LIFR: variants seen among roughly 807,000 people sequenced by gnomAD.
The protein encoded by LIFR is leukemia inhibitory factor receptor.
Under a neutral mutation model 122.2 loss-of-function variants are expected in LIFR, and 84 were observed. The ratio of observed to expected loss-of-function variants is 0.69; its 90% CI spans 0.58 to 0.82. The LOEUF is 0.82. LIFR is among the 40% of genes least tolerant of loss of function. The probability of loss-of-function intolerance (pLI) is 0.00; values close to 1 mark genes in which losing one functional copy is unlikely to be tolerated. For synonymous variants in LIFR, 422 were observed against 434.7 expected, an observed-to-expected ratio of 0.97 and a Z score of 0.36; for missense variants, 1,294 against 1,311.6, an observed-to-expected ratio of 0.99 and a Z score of 0.21.
intron 3 of LIFR, 54 bp from the exon 4 acceptor site, chr5:38,527,348 C>T: frequency 8.2e-7 from 1 of 1,219,710 alleles, no homozygotes; most frequent in Non-Finnish European, 1.2e-6. Flanking sequence ...GTATAATTTT[C>T]ATAAAAATTT....
intron 1 of LIFR, among the ~76,000 whole-genome samples, chr5:38,582,432 T>TA: frequency 6.6e-6 from 1 of 152,272 alleles, no homozygotes; most frequent in Admixed American, 6.5e-5. Context: ...ACTAAATACT[T>TA]ACATCGTTTT....
intron 6 of LIFR, 137 bp downstream of exon 6, chr5:38,511,653 G>A (rs921122853): frequency 2.6e-6 from 2 of 761,066 alleles, no homozygotes; most frequent in Non-Finnish European, 4.4e-6. Context: ...CTCCAGGGAT[G>A]GTGGGCTTAG....
At chr5:38,536,078 C>G (rs192257039) in intron 1 of LIFR, among the ~76,000 whole-genome samples, 1 of 152,242 alleles carries the variant, frequency 6.6e-6, no homozygotes, top group African/African-American at 2.4e-5. Context: ...GAGGGAGGGA[C>G]TAGTAATTGC....
chr5:38,594,594 T>C (rs749757254), intron 1 of LIFR, among the ~76,000 whole-genome samples: 6 of 152,192 alleles, frequency 3.9e-5, no homozygotes, highest in Non-Finnish European at 8.8e-5. Flanking sequence ...CTTTGTGCTC[T>C]GGCTTTTTAT....
chr5:38,484,353 AT>A (rs1320556716), intron 18 of LIFR, among the ~76,000 whole-genome samples: 1 of 152,148 alleles, frequency 6.6e-6, no homozygotes. Flanking sequence ...ACGATATGAT[AT>A]CCCCCTTCAC....
At chr5:38,488,889 C>T (rs983010354) in intron 16 of LIFR, among the ~76,000 whole-genome samples, 189 bp downstream of exon 16, 2 of 152,154 alleles carry the variant, frequency 1.3e-5, no homozygotes, top group Non-Finnish European at 2.9e-5. Context: ...AAAGACTATA[C>T]ATGTCATTAT....
intron 11 of LIFR, among the ~76,000 whole-genome samples, chr5:38,500,793 G>A (rs751246148): frequency 4.6e-5 from 7 of 152,150 alleles, no homozygotes; most frequent in Non-Finnish European, 8.8e-5. Context: ...CCCCATGTGC[G>A]TGGTGCCCTC....
intron 9 of LIFR, 45 bp downstream of exon 9, chr5:38,505,860 C>T (rs769619922): frequency 1.5e-6 from 2 of 1,326,980 alleles, no homozygotes; most frequent in South Asian, 2.9e-5. Context: ...AGCATTTCAC[C>T]ACTTTTAAAG....
intron 16 of LIFR, among the ~76,000 whole-genome samples, chr5:38,487,873 T>C (rs939502391): frequency 2.0e-5 from 3 of 152,222 alleles, no homozygotes; most frequent in Admixed American, 2.0e-4. Flanking sequence ...TGGCAGGTAC[T>C]GGAGAAGTTC....
intron 6 of LIFR, among the ~76,000 whole-genome samples, chr5:38,510,970 G>T (rs967626654): frequency 5.3e-5 from 8 of 150,964 alleles, no homozygotes; most frequent in Non-Finnish European, 7.4e-5. Flanking sequence ...AGGGATAATG[G>T]TGAGGAAGCA....
At chr5:38,514,440 G>A (rs1375018114) in intron 5 of LIFR, among the ~76,000 whole-genome samples, 1 of 152,194 alleles carries the variant, frequency 6.6e-6, no homozygotes, top group Admixed American at 6.5e-5. Flanking sequence ...CACGAGTGCA[G>A]AATAGACATT....
Position 38,530,501 on chromosome 5 carries a change from C to T in LIFR, c.142+5G>A. 6.2e-7 allele frequency: 1 copy of T among 1,609,970 alleles called. No homozygotes were observed. Among genetic ancestry groups the T allele is most frequent in the Non-Finnish European group, 8.5e-7 (1 of 1,176,288 alleles). On this transcript the variant is annotated splice_donor_5th_base_variant and intron_variant, in intron 2 of 19. Transcript: ENST00000453190. ...GTTCATTCTCTGGAAGGCTGATGCA[C>T]TTACCCTTTTTCTGGCTATTTACTT...
chr5:38,553,672 A>ATT (rs1242791289), intron 1 of LIFR, among the ~76,000 whole-genome samples: 1 of 101,290 alleles, frequency 9.9e-6, no homozygotes, highest in East Asian at 3.1e-4. Flanking sequence ...ATATATATAT[A>ATT]TTATATGTAT....
rs572954936 is a variant in LIFR at position 38,517,856 on chromosome 5, C to CAAAAAAAAAAAAAA, written c.561+5549_561+5562dup. Among the ~76,000 whole-genome samples, 63 of 15,036 alleles carry CAAAAAAAAAAAAAA rather than the reference C, an allele frequency of 4.2e-3. 14 individuals carry two copies. Among genetic ancestry groups the CAAAAAAAAAAAAAA allele is most frequent in the African/African-American group, 0.016 (37 of 2,248 alleles). 9.9% of individuals were successfully genotyped at this position (15,036 alleles called of 152,430 possible). On this transcript the variant is annotated intron_variant, in intron 5 of 19. Coordinates refer to ENST00000453190, the MANE Select transcript of LIFR (RefSeq NM_001127671.2). Reference sequence around the variant, plus strand: ...TGTGCAACAGAGCAAGACACTGTCTCAAAAAAAAAAAAAAAAAAAAAAAAA... The same window carrying CAAAAAAAAAAAAAA: ...TGTGCAACAGAGCAAGACACTGTCTCAAAAAAAAAAAAAAAAAAAAAAAAAAAAAAAAAAAAAAA...
intron 1 of LIFR, among the ~76,000 whole-genome samples, chr5:38,541,256 A>G (rs1381657031): frequency 6.6e-6 from 1 of 152,224 alleles, no homozygotes; most frequent in East Asian, 1.9e-4. Flanking sequence ...CTATTTCAGA[A>G]AGGGGCATTC....
intron 1 of LIFR, among the ~76,000 whole-genome samples, chr5:38,583,687 AGG>A (rs1749659051): frequency 5.9e-5 from 9 of 152,192 alleles, no homozygotes; most frequent in African/African-American, 2.2e-4. Context: ...AATGATCAAC[AGG>A]TATATGAAAA....
Position 38,528,758 on chromosome 5 carries a change from A to C in LIFR, c.225T>G (p.Arg75=), listed in dbSNP as rs13159153. Residue 75 remains arginine, a synonymous_variant, in exon 3 of 20, where the codon CGT becomes CGG. Coordinates refer to ENST00000453190, the MANE Select transcript of LIFR (RefSeq NM_001127671.2). Reference sequence around the variant, plus strand: ...CAATGCAAACTTCATAATCAGTACCACGGCCTGTTCCAGAGGGTGCTTTCC... The same window carrying C: ...CAATGCAAACTTCATAATCAGTACCCCGGCCTGTTCCAGAGGGTGCTTTCC... ...CSWKAPSGTG[R]GTDYEVCIEN... 10 of 1,596,580 alleles carry C rather than the reference A, an allele frequency of 6.3e-6. No homozygotes were observed. The highest frequency in any genetic ancestry group is 7.7e-6 in the Non-Finnish European group (9 of 1,169,782).
At chr5:38,604,893 A>G (rs867261887) in intron 2 of LIFR, among the ~76,000 whole-genome samples, 2 of 152,136 alleles carry the variant, frequency 1.3e-5, no homozygotes, top group Non-Finnish European at 2.9e-5. Flanking sequence ...GAAGGGCAAG[A>G]CAACTCAAAG....
At chr5:38,507,902 G>A (rs1202048976) in intron 7 of LIFR, among the ~76,000 whole-genome samples, 4 of 152,018 alleles carry the variant, frequency 2.6e-5, no homozygotes, top group Admixed American at 6.6e-5. Flanking sequence ...GGATTAATGA[G>A]TGTTTATATG....
Sources: gnomAD v4.1 joint callset for allele counts (sites outside exome capture counted in the v4.1 genomes callset) on GRCh38, gnomAD v4.1.1 for gene constraint, MANE v1.5 for transcripts, NCBI Gene and HGNC (gene_info 2026-07-23, HGNC 2026-07-21) for gene names.